The following MBTD1 variants were observed in gnomAD, a reference collection of about 807,000 sequenced individuals.
MBTD1 encodes the protein mbt domain containing 1, also known as MBT domain-containing protein 1.
MBTD1 carries 24 observed loss-of-function variants against 87.8 expected under a neutral mutation model. The ratio of observed to expected loss-of-function variants is 0.27; its 90% CI spans 0.20 to 0.38. MBTD1 has a LOEUF of 0.38. MBTD1 is among the 10% of genes least tolerant of loss of function. The pLI, the probability that MBTD1 is intolerant of heterozygous loss-of-function variation, is 1.00. For synonymous variants in MBTD1, 237 were observed against 248.6 expected (o/e 0.95, Z 0.44); for missense variants, 436 against 760.2 (o/e 0.57, Z 5.02).
chr17:51,199,638 C>G (rs2051344900), intron 12 of MBTD1, among the ~76,000 whole-genome samples: 1 of 151,164 alleles, frequency 6.6e-6, no homozygotes, highest in Non-Finnish European at 1.5e-5. Context: ...GATGGGGTCT[C>G]ACCATATTGA....
intron 16 of MBTD1, among the ~76,000 whole-genome samples, chr17:51,182,990 T>C (rs775796186): frequency 4.6e-5 from 7 of 152,094 alleles, no homozygotes; most frequent in Non-Finnish European, 7.3e-5. Flanking sequence ...GGTTTCACCA[T>C]GTTGGTCAGG....
intron 2 of MBTD1, among the ~76,000 whole-genome samples, chr17:51,229,222 CAG>C: frequency 6.6e-6 from 1 of 152,120 alleles, no homozygotes; most frequent in South Asian, 2.1e-4. Flanking sequence ...GAGTTATAAC[CAG>C]AGAGATGAAA....
chr17:51,245,395 C>G (rs1382226084), intron 2 of MBTD1, among the ~76,000 whole-genome samples: 1 of 152,078 alleles, frequency 6.6e-6, no homozygotes, highest in Non-Finnish European at 1.5e-5. Flanking sequence ...TCTGAGATAG[C>G]AAAATGTATC....
intron 6 of MBTD1, among the ~76,000 whole-genome samples, chr17:51,207,480 T>C (rs1048945168): frequency 1.3e-5 from 2 of 152,204 alleles, no homozygotes; most frequent in East Asian, 1.9e-4. Context: ...ATTAAATTCA[T>C]AGATTAGAAA....
intron 2 of MBTD1, among the ~76,000 whole-genome samples, chr17:51,234,125 C>G (rs980164167): frequency 6.6e-6 from 1 of 152,070 alleles, no homozygotes; most frequent in African/African-American, 2.4e-5. Flanking sequence ...CGTGATGGCT[C>G]ATGCCTGTAA....
intron 5 of MBTD1, among the ~76,000 whole-genome samples, chr17:51,218,588 T>C (rs2143581645): frequency 6.6e-6 from 1 of 150,662 alleles, no homozygotes; most frequent in East Asian, 2.0e-4. Context: ...CTTAATCTCC[T>C]CTTACTACTC....
chr17:51,189,207 T>C (rs541800345), intron 16 of MBTD1, among the ~76,000 whole-genome samples: 1 of 152,294 alleles, frequency 6.6e-6, no homozygotes, highest in East Asian at 1.9e-4. Context: ...TTACATAATG[T>C]ATGTTACACA....
At chr17:51,190,721 CAAAAAAAAAAAAAAAA>C (rs1165717944) in intron 16 of MBTD1, among the ~76,000 whole-genome samples, 2 of 35,162 alleles carry the variant, frequency 5.7e-5, no homozygotes, top group Admixed American at 5.7e-4. Flanking sequence ...GACTCTGTCT[CAAAAAAAAAAAAAAAA>C]AAAAAAAAAA....
chr17:51,228,405 T>A (rs2053353297), intron 2 of MBTD1, among the ~76,000 whole-genome samples: 1 of 150,940 alleles, frequency 6.6e-6, no homozygotes, highest in Non-Finnish European at 1.5e-5. Context: ...AATTTCCTTT[T>A]CAAAGAAAGA....
intron 16 of MBTD1, chr17:51,184,597 A>G (rs2050452716): frequency 6.6e-6 from 1 of 152,208 alleles, no homozygotes; most frequent in South Asian, 2.1e-4. Context: ...GGTAGTTTCC[A>G]TCTAGTTCGT....
chr17:51,195,436 A>C, intron 12 of MBTD1, 75 bp from the exon 13 acceptor site: 1 of 1,229,886 alleles, frequency 8.1e-7, no homozygotes, highest in Non-Finnish European at 1.1e-6. Flanking sequence ...GACATTCTAA[A>C]AGAAAGGAAA....
At chr17:51,216,746 T>G (rs1349788970) in intron 6 of MBTD1, among the ~76,000 whole-genome samples, 1 of 152,218 alleles carries the variant, frequency 6.6e-6, no homozygotes, top group Admixed American at 6.5e-5. Flanking sequence ...ACTAGCAATT[T>G]CATTTACTTT....
intron 16 of MBTD1, among the ~76,000 whole-genome samples, chr17:51,182,614 CCA>C (rs1441568325): frequency 6.6e-6 from 1 of 152,170 alleles, no homozygotes; most frequent in Non-Finnish European, 1.5e-5. Context: ...TCTCTGTCCA[CCA>C]CAGAGCTCAC....
chr17:51,190,852 G>A (rs1380183069), intron 16 of MBTD1, among the ~76,000 whole-genome samples: 1 of 148,696 alleles, frequency 6.7e-6, no homozygotes, highest in African/African-American at 2.5e-5. Flanking sequence ...AGGCTGAGGT[G>A]GGCAGAGTGC....
intron 4 of MBTD1, 62 bp downstream of exon 4, chr17:51,220,268 C>A: frequency 6.8e-7 from 1 of 1,462,604 alleles, no homozygotes; most frequent in Admixed American, 2.3e-5. Context: ...AGTCAAATGA[C>A]AGATAAATGG....
At chr17:51,210,343 C>T (rs928352668) in intron 6 of MBTD1, among the ~76,000 whole-genome samples, 1 of 151,998 alleles carries the variant, frequency 6.6e-6, no homozygotes, top group African/African-American at 2.4e-5. Flanking sequence ...GTGGTGGTAG[C>T]AGGCAGATGG....
At chr17:51,243,836 T>G (rs1384185651) in intron 2 of MBTD1, among the ~76,000 whole-genome samples, 2 of 152,220 alleles carry the variant, frequency 1.3e-5, no homozygotes, top group African/African-American at 4.8e-5. Context: ...TTGAAATTAT[T>G]TTTGAAGAAT....
intron 2 of MBTD1, among the ~76,000 whole-genome samples, chr17:51,227,018 G>A (rs1446213759): frequency 5.3e-5 from 8 of 151,860 alleles, no homozygotes; most frequent in African/African-American, 1.2e-4. Context: ...CGAGGCAGGC[G>A]GATCACAAGG....
At chr17:51,180,739 A>C in intron 16 of MBTD1, 45 bp from the exon 17 acceptor site, 1 of 1,009,828 alleles carries the variant, frequency 9.9e-7, no homozygotes, top group Non-Finnish European at 1.5e-6. Flanking sequence ...GGCTCTCTAG[A>C]GTACTCGGAT....
Sources: allele counts gnomAD v4.1 joint callset (sites outside exome capture counted in the v4.1 genomes callset), GRCh38; gene constraint gnomAD v4.1.1; transcripts MANE v1.5; gene names NCBI Gene and HGNC (gene_info 2026-07-23, HGNC 2026-07-21).